Variants in RGS12 observed in about 807,000 individuals in gnomAD.
RGS12 encodes the protein regulator of G-protein signaling 12.
Under a neutral mutation model 120.1 loss-of-function variants are expected in RGS12, and 66 were observed. The observed-to-expected ratio is 0.55, with a 90% confidence interval of 0.45 to 0.67. RGS12 has a LOEUF of 0.67. Among genes scored for constraint, RGS12 ranks in the 30% least tolerant of loss-of-function variants. The pLI is 0.00. For synonymous variants in RGS12, 827 were observed against 804.7 expected, an observed-to-expected ratio of 1.03 and a Z score of -0.47; for missense variants, 1,859 against 1,957.7, an observed-to-expected ratio of 0.95 and a Z score of 0.95.
intron 1 of RGS12, among the ~76,000 whole-genome samples, chr4:3,301,374 G>T (rs1367512789): frequency 2.7e-5 from 4 of 150,844 alleles, no homozygotes; most frequent in African/African-American, 9.9e-5. Context: ...TTCAGGCCTA[G>T]TGAACACAAA....
intron 1 of RGS12, among the ~76,000 whole-genome samples, chr4:3,309,426 C>CGG (rs1724187226): frequency 8.0e-6 from 1 of 125,510 alleles, no homozygotes; most frequent in Non-Finnish European, 1.7e-5. Context: ...TGAGGGGAAC[C>CGG]GTGCAGGGGA....
intron 3 of RGS12, among the ~76,000 whole-genome samples, chr4:3,358,196 T>A (rs1031171028): frequency 6.6e-6 from 1 of 152,202 alleles, no homozygotes; most frequent in Non-Finnish European, 1.5e-5. Context: ...CTTTGTGTCC[T>A]CCTGTTGGCA....
chr4:3,355,123 A>G lies in RGS12; in HGVS notation c.1998+12070A>G, dbSNP rs1403170283. ...ACATACACATTTGTTTCAAGGACACACTATTTTTTAACATTTGAAAATGAA... is the reference window on the plus strand; with the variant it reads ...ACATACACATTTGTTTCAAGGACACGCTATTTTTTAACATTTGAAAATGAA... On this transcript the variant is annotated intron_variant, in intron 3 of 17. Transcript: ENST00000336727. Among the ~76,000 whole-genome samples, 5 of 152,340 alleles carry G rather than the reference A, an allele frequency of 3.3e-5. No homozygotes were observed. The East Asian group carries it at 9.6e-4, about 29-fold the overall frequency.
chr4:3,310,385 C>T (rs1724318109), intron 1 of RGS12, among the ~76,000 whole-genome samples: 1 of 152,202 alleles, frequency 6.6e-6, no homozygotes, highest in Non-Finnish European at 1.5e-5. Context: ...CTCCAGTCCA[C>T]GCTGCACCCC....
chr4:3,435,262 A>T (rs1270021870), intron 17 of RGS12, among the ~76,000 whole-genome samples: 2 of 152,100 alleles, frequency 1.3e-5, no homozygotes, highest in Admixed American at 6.5e-5. Flanking sequence ...CTGGGGGTGA[A>T]AGTACCCCCC....
intron 2 of RGS12, among the ~76,000 whole-genome samples, chr4:3,323,159 G>A (rs2051558): frequency 0.53 from 80,886 of 152,182 alleles, 21,673 homozygotes; most frequent in South Asian, 0.66. Context: ...AGGGGCGAGC[G>A]GGAGGACGAG....
chr4:3,375,359 CCAGCCCTCATCTT>C (rs1717553515), intron 3 of RGS12, among the ~76,000 whole-genome samples: 2 of 108,116 alleles, frequency 1.8e-5, no homozygotes, highest in African/African-American at 3.8e-5. Flanking sequence ...AGCCTCATCT[CCAGCCCTCATCTT>C]CAGCCCTCAT....
At chr4:3,339,856 T>A (rs1712860774) in intron 2 of RGS12, among the ~76,000 whole-genome samples, 1 of 152,196 alleles carries the variant, frequency 6.6e-6, no homozygotes, top group Non-Finnish European at 1.5e-5. Flanking sequence ...CACACTAATG[T>A]GTGAGCCCTC....
intron 4 of RGS12, among the ~76,000 whole-genome samples, chr4:3,410,429 G>T (rs753919247): frequency 4.1e-4 from 63 of 152,254 alleles, no homozygotes; most frequent in Non-Finnish European, 8.4e-4. Flanking sequence ...AACAGGATCG[G>T]CCCCCGAGGC....
At chr4:3,422,686 C>A in intron 11 of RGS12, 116 bp downstream of exon 11, 1 of 1,221,900 alleles carries the variant, frequency 8.2e-7, no homozygotes. Context: ...ATTTCAACAG[C>A]GCCTGGGGCG....
Position 3,313,981 on chromosome 4 carries a change from TA to T in RGS12, c.-101-2088del, listed in dbSNP as rs1251886970. ...TGGCCAACTTTTACATTTATTTATT[TA>T]TTTTTTAATGATGATTTTTAATAAT... On this transcript the variant is annotated intron_variant, in intron 1 of 17. Transcript: ENST00000336727. Among the ~76,000 whole-genome samples, 3 of 152,090 alleles carry T rather than the reference TA, an allele frequency of 2.0e-5. No individual in the cohort carries two copies. In the East Asian group the frequency reaches 5.8e-4, roughly 29 times the overall value.
chr4:3,370,374 C>A, intron 3 of RGS12: 1 of 1,548,782 alleles, frequency 6.5e-7, no homozygotes, highest in Non-Finnish European at 8.9e-7. Flanking sequence ...GAAAGCGTGG[C>A]ACCCTGGCTA....
chr4:3,340,928 G>A (rs541128367), intron 2 of RGS12, among the ~76,000 whole-genome samples: 1 of 152,080 alleles, frequency 6.6e-6, no homozygotes, highest in South Asian at 2.1e-4. Flanking sequence ...CACCTGTGTT[G>A]GCCGGTCCAT....
chr4:3,366,038 C>T lies in RGS12; in HGVS notation c.1999-20378C>T, dbSNP rs184286624. ...GGGGCACCGTTGCGTGGGGCGTGCT[C>T]GAGGTGGAGACGGCTGTGAGCAGCT... is the stretch of plus-strand genomic sequence containing the variant. On this transcript the variant is annotated intron_variant, in intron 3 of 17. Transcript: ENST00000336727. The surrounding 1 kb of genome is among the most constrained non-coding windows in gnomAD (Gnocchi z 4.0). Among the ~76,000 whole-genome samples the T allele has an allele frequency of 1.3e-5, 2 of 152,016 alleles. No homozygotes were observed. Among genetic ancestry groups the T allele is most frequent in the Non-Finnish European group, 2.9e-5 (2 of 68,006 alleles).
At chr4:3,388,271 C>T (rs1176688754) in intron 4 of RGS12, among the ~76,000 whole-genome samples, 2 of 136,710 alleles carry the variant, frequency 1.5e-5, no homozygotes, top group Non-Finnish European at 3.2e-5. Flanking sequence ...AGGGAGGAGA[C>T]AGTCATCAGC....
the RGS12 span, among the ~76,000 whole-genome samples, chr4:3,286,943 G>A: frequency 4.6e-5 from 7 of 152,180 alleles, no homozygotes; most frequent in African/African-American, 1.7e-4. Context: ...GAGCTCCCTC[G>A]GGCTGGGGAG....
chr4:3,375,487 G>GC (rs1242641940), intron 3 of RGS12, among the ~76,000 whole-genome samples: 1 of 59,094 alleles, frequency 1.7e-5, no homozygotes, highest in Non-Finnish European at 3.4e-5. Context: ...CTCATCTCCA[G>GC]CCTCATCTCC....
chr4:3,290,269 G>A (rs1722981289), upstream of RGS12, among the ~76,000 whole-genome samples: 2 of 152,180 alleles, frequency 1.3e-5, no homozygotes, highest in African/African-American at 4.8e-5. Flanking sequence ...ATTGTTAAGG[G>A]TACAGCTCAG....
chr4:3,358,329 T>A (rs918413949), intron 3 of RGS12, among the ~76,000 whole-genome samples: 4 of 152,194 alleles, frequency 2.6e-5, no homozygotes, highest in African/African-American at 9.7e-5. Context: ...TTTCATTTCT[T>A]TTTTTGCCTA....
Sources: allele counts gnomAD v4.1 joint callset (sites outside exome capture counted in the v4.1 genomes callset), GRCh38; gene constraint gnomAD v4.1.1; non-coding constraint Gnocchi (gnomAD v3.1); transcripts MANE v1.5; gene names NCBI Gene and HGNC (gene_info 2026-07-23, HGNC 2026-07-21).